The following MAF variants were observed in gnomAD, a reference collection of about 807,000 sequenced individuals.
MAF encodes transcription factor Maf.
MAF carries 10 observed loss-of-function variants against 22.0 expected under a neutral mutation model. The ratio of observed to expected loss-of-function variants is 0.45; its 90% CI spans 0.28 to 0.77. MAF has a LOEUF of 0.77. Among genes scored for constraint, MAF ranks in the 30% least tolerant of loss-of-function variants. MAF has a pLI of 0.12. For synonymous variants in MAF, 337 were observed against 255.8 expected (o/e 1.32, Z -3.03); for missense variants, 544 against 548.4 (o/e 0.99, Z 0.08).
chr16:79,337,385 T>C, the MAF span, among the ~76,000 whole-genome samples: 6 of 152,012 alleles, frequency 3.9e-5, no homozygotes, highest in Admixed American at 1.3e-4. Context: ...GCCTGGCCAG[T>C]ACGGTGAAAT....
chr16:79,228,227 G>C, the MAF span, among the ~76,000 whole-genome samples: 1 of 152,026 alleles, frequency 6.6e-6, no homozygotes, highest in Non-Finnish European at 1.5e-5. Flanking sequence ...GAACTTTAAA[G>C]TTATTTCATG....
At chr16:79,578,130 A>T in the MAF span, among the ~76,000 whole-genome samples, 1 of 152,252 alleles carries the variant, frequency 6.6e-6, no homozygotes, top group Non-Finnish European at 1.5e-5. Flanking sequence ...ATAATCTGGC[A>T]TTAATTTAAA....
the MAF span, among the ~76,000 whole-genome samples, chr16:79,284,136 C>G: frequency 6.6e-6 from 1 of 152,120 alleles, no homozygotes; most frequent in African/African-American, 2.4e-5. Flanking sequence ...GGCGATTTAG[C>G]AGAACACCAC....
the MAF span, among the ~76,000 whole-genome samples, chr16:79,568,967 C>T: frequency 6.6e-6 from 1 of 152,178 alleles, no homozygotes; most frequent in Non-Finnish European, 1.5e-5. Flanking sequence ...GAGGTTAAGC[C>T]CCCTCATGCA....
At chr16:79,441,182 C>T in the MAF span, among the ~76,000 whole-genome samples, 5 of 152,192 alleles carry the variant, frequency 3.3e-5, no homozygotes, top group African/African-American at 1.2e-4. Flanking sequence ...CCATTGCACA[C>T]AATACTTCTG....
chr16:79,428,464 A>G, the MAF span, among the ~76,000 whole-genome samples: 1 of 152,114 alleles, frequency 6.6e-6, no homozygotes, highest in South Asian at 2.1e-4. Flanking sequence ...CCAAACTGGC[A>G]TTTTCCTTTC....
chr16:79,243,896 G>A, the MAF span, among the ~76,000 whole-genome samples: 5 of 152,064 alleles, frequency 3.3e-5, no homozygotes, highest in African/African-American at 4.8e-5. Context: ...TCCCTGGGAT[G>A]CAAGGTTAGT....
the MAF span, among the ~76,000 whole-genome samples, chr16:79,457,993 C>T: frequency 2.6e-5 from 4 of 151,942 alleles, no homozygotes; most frequent in African/African-American, 7.3e-5. Flanking sequence ...CTTATCTTTC[C>T]TTTAACTGCT....
the MAF span, among the ~76,000 whole-genome samples, chr16:79,508,031 A>G: frequency 6.6e-5 from 10 of 152,296 alleles, no homozygotes; most frequent in African/African-American, 2.2e-4. Context: ...AGCAGGAGAC[A>G]TGGACGTGAG....
the MAF span, among the ~76,000 whole-genome samples, chr16:79,395,627 C>T: frequency 6.6e-6 from 1 of 152,228 alleles, no homozygotes; most frequent in Non-Finnish European, 1.5e-5. Context: ...TGCCACCCAC[C>T]AGCAGAAGCC....
At chr16:79,334,670 G>C in the MAF span, among the ~76,000 whole-genome samples, 1,765 of 152,148 alleles carry the variant, frequency 0.012, 24 homozygotes, top group African/African-American at 0.039. Flanking sequence ...TCTAAGTGTG[G>C]GGCCCTGCAT....
chr16:79,329,045 A>G, the MAF span, among the ~76,000 whole-genome samples: 1 of 146,496 alleles, frequency 6.8e-6, no homozygotes, highest in African/African-American at 2.5e-5. Context: ...ACCCGCCCCC[A>G]CTCACTCCGC....
chr16:79,560,317 C>G, the MAF span, among the ~76,000 whole-genome samples: 1 of 151,678 alleles, frequency 6.6e-6, no homozygotes, highest in East Asian at 1.9e-4. Context: ...GAGATGAACG[C>G]GAAGAGACAG....
chr16:79,544,698 A>G, the MAF span, among the ~76,000 whole-genome samples: 1 of 149,604 alleles, frequency 6.7e-6, no homozygotes, highest in East Asian at 2.0e-4. Flanking sequence ...GCGTGAACCC[A>G]GGAGGCGGAC....
At chr16:79,424,244 C>T in the MAF span, among the ~76,000 whole-genome samples, 7 of 152,016 alleles carry the variant, frequency 4.6e-5, no homozygotes, top group Non-Finnish European at 7.4e-5. Flanking sequence ...GAAGCTTTGC[C>T]GAGATGTTGA....
chr16:79,563,882 A>T, the MAF span, among the ~76,000 whole-genome samples: 1 of 152,220 alleles, frequency 6.6e-6, no homozygotes, highest in Admixed American at 6.5e-5. Context: ...TTAATTTCAC[A>T]TCCAAAAAGT....
chr16:79,515,872 T>C, the MAF span: 2 of 151,850 alleles, frequency 1.3e-5, no homozygotes, highest in Non-Finnish European at 2.9e-5. Context: ...GCCTCCATCA[T>C]ATGGAGTCTG....
the MAF span, among the ~76,000 whole-genome samples, chr16:79,266,124 T>C: frequency 6.6e-6 from 1 of 152,128 alleles, no homozygotes; most frequent in African/African-American, 2.4e-5. Flanking sequence ...TCCTCCTGAC[T>C]TGACCTCCCA....
At chr16:79,507,889 ATACCTAATTGTT>A in the MAF span, among the ~76,000 whole-genome samples, 1 of 152,188 alleles carries the variant, frequency 6.6e-6, no homozygotes, top group Non-Finnish European at 1.5e-5. Flanking sequence ...AATATATAAA[ATACCTAATTGTT>A]ATTACCTGAA....
Sources: allele counts gnomAD v4.1 joint callset (sites outside exome capture counted in the v4.1 genomes callset), GRCh38; gene constraint gnomAD v4.1.1; transcripts MANE v1.5; gene names NCBI Gene and HGNC (gene_info 2026-07-23, HGNC 2026-07-21).